GRHL2: variants seen among roughly 807,000 people sequenced by gnomAD.
GRHL2 encodes grainyhead-like protein 2 homolog.
Under a neutral mutation model 83.8 loss-of-function variants are expected in GRHL2, and 21 were observed. That is an observed-to-expected ratio of 0.25 (90% CI 0.18 to 0.36). The LOEUF is 0.36. Among genes scored for constraint, GRHL2 ranks in the 10% least tolerant of loss-of-function variants. GRHL2 has a pLI of 1.00. For synonymous variants in GRHL2, 280 were observed against 278.9 expected (o/e 1.00, Z -0.04); for missense variants, 623 against 781.8 (o/e 0.80, Z 2.42).
rs546911625 is a variant in GRHL2 at position 101,644,294 on chromosome 8, G to A, written c.1612+69G>A. The stretch of plus-strand genomic sequence containing the variant: ...GTGTCTCTCCCAAGAAGAGCTTGCA[G>A]CCCTCTTGCCCAGGCCCCCATGGCT... On this transcript the variant is annotated intron_variant, in intron 13 of 15. Coordinates refer to ENST00000646743, the MANE Select transcript of GRHL2 (RefSeq NM_024915.4). The A allele has an allele frequency of 2.0e-4, 250 of 1,264,684 alleles. 4 individuals are homozygous for A. In the South Asian group the frequency reaches 2.7e-3, roughly 14 times the overall value. 78.3% of individuals were successfully genotyped at this position (1,264,684 alleles called of 1,614,324 possible).
chr8:101,594,108 A>G (rs1042377279), intron 7 of GRHL2, among the ~76,000 whole-genome samples: 2 of 135,956 alleles, frequency 1.5e-5, no homozygotes, highest in Non-Finnish European at 3.1e-5. Flanking sequence ...AGAGAGAGAT[A>G]GTGAAGGGGG....
intron 14 of GRHL2, among the ~76,000 whole-genome samples, chr8:101,656,819 T>G (rs1813797030): frequency 6.6e-6 from 1 of 151,920 alleles, no homozygotes; most frequent in Admixed American, 6.5e-5. Context: ...ATATACTGGG[T>G]GTGTGTTCAT....
chr8:101,517,810 C>T (rs972949372), intron 1 of GRHL2, among the ~76,000 whole-genome samples: 5 of 152,218 alleles, frequency 3.3e-5, no homozygotes, highest in African/African-American at 4.8e-5. Flanking sequence ...CTTTATGCTT[C>T]TTGCAACCCT....
rs745521680 is a variant in GRHL2, at chr8:101,583,753, C to T, written c.1003+6234C>T. On this transcript the variant is annotated intron_variant, in intron 7 of 15. Coordinates refer to ENST00000646743, the MANE Select transcript of GRHL2 (RefSeq NM_024915.4). ...GTGGATAATTCCAAAACCACGTTCT[C>T]GGGAAGGCATATTTTTCTATTTGTT... Among the ~76,000 whole-genome samples the T allele has an allele frequency of 7.2e-5, 11 of 152,238 alleles. 1 individual carries two copies. The highest frequency in any genetic ancestry group is 1.6e-4 in the Non-Finnish European group (11 of 68,010).
At chr8:101,603,586 A>G (rs531373275) in intron 8 of GRHL2, among the ~76,000 whole-genome samples, 1 of 152,230 alleles carries the variant, frequency 6.6e-6, no homozygotes, top group African/African-American at 2.4e-5. Context: ...ATTAGTTAAA[A>G]TGAGGTTTGG....
intron 5 of GRHL2, 152 bp from the exon 6 acceptor site, chr8:101,573,516 C>A: frequency 1.2e-6 from 1 of 863,918 alleles, no homozygotes; most frequent in Non-Finnish European, 1.9e-6. Flanking sequence ...GACCTTTGAT[C>A]TGGTCTCATC....
chr8:101,510,092 A>T (rs34262411), intron 1 of GRHL2, among the ~76,000 whole-genome samples: 2 of 152,078 alleles, frequency 1.3e-5, no homozygotes, highest in Non-Finnish European at 2.9e-5. Flanking sequence ...CCAGGCCCAG[A>T]TGATCTTCCC....
chr8:101,547,339 A>T (rs1462809624), intron 2 of GRHL2, among the ~76,000 whole-genome samples: 1 of 152,198 alleles, frequency 6.6e-6, no homozygotes, highest in African/African-American at 2.4e-5. Context: ...ATGCCTCTTC[A>T]GAGGATGAAT....
At chr8:101,592,680 C>T (rs1279145766) in intron 7 of GRHL2, among the ~76,000 whole-genome samples, 3 of 152,080 alleles carry the variant, frequency 2.0e-5, no homozygotes, top group South Asian at 2.1e-4. Flanking sequence ...CTGCAACATT[C>T]GAGAAGCACC....
At chr8:101,615,483 C>G (rs1393251909) in intron 8 of GRHL2, among the ~76,000 whole-genome samples, 1 of 152,126 alleles carries the variant, frequency 6.6e-6, no homozygotes, top group Admixed American at 6.6e-5. Context: ...TAGTTCTAGG[C>G]AGGCTTTATG....
At chr8:101,624,171 TCACAGTA>T (rs36190962) in intron 9 of GRHL2, among the ~76,000 whole-genome samples, 14,765 of 137,792 alleles carry the variant, frequency 0.11, 1,456 homozygotes, top group African/African-American at 0.29. Flanking sequence ...GTAGGACAGT[TCACAGTA>T]CACAGTACAC....
At chr8:101,551,880 G>A (rs142294236) in intron 2 of GRHL2, among the ~76,000 whole-genome samples, 1 of 150,548 alleles carries the variant, frequency 6.6e-6, no homozygotes, top group East Asian at 2.0e-4. Context: ...CTGTCGCCCA[G>A]GCTAGAGTGC....
chr8:101,579,594 G>A (rs756850095), intron 7 of GRHL2, among the ~76,000 whole-genome samples: 14 of 152,124 alleles, frequency 9.2e-5, no homozygotes, highest in Non-Finnish European at 1.9e-4. Flanking sequence ...TCTGAGCACA[G>A]TCTCTACCCC....
intron 12 of GRHL2, among the ~76,000 whole-genome samples, chr8:101,640,648 T>C (rs374259894): frequency 6.6e-6 from 1 of 152,228 alleles, no homozygotes; most frequent in Non-Finnish European, 1.5e-5. Flanking sequence ...GCCCTGATCC[T>C]CTGTCCCCAG....
the GRHL2 span, among the ~76,000 whole-genome samples, chr8:101,675,917 C>T: frequency 5.9e-5 from 9 of 152,148 alleles, no homozygotes; most frequent in South Asian, 2.1e-4. Flanking sequence ...ATATCTACAA[C>T]CATCTGATCT....
At chr8:101,533,404 G>A (rs951030990) in intron 1 of GRHL2, among the ~76,000 whole-genome samples, 1 of 152,092 alleles carries the variant, frequency 6.6e-6, no homozygotes, top group Admixed American at 6.6e-5. Flanking sequence ...TGGCAATGGA[G>A]CTTTTATTCA....
At chr8:101,495,886 C>T (rs1810091847) in intron 1 of GRHL2, among the ~76,000 whole-genome samples, 1 of 152,132 alleles carries the variant, frequency 6.6e-6, no homozygotes, top group South Asian at 2.1e-4. Context: ...CGGCGGCTCA[C>T]ACCTGTAATC....
At chr8:101,519,565 T>C (rs1485888059) in intron 1 of GRHL2, among the ~76,000 whole-genome samples, 7 of 151,898 alleles carry the variant, frequency 4.6e-5, no homozygotes, top group Non-Finnish European at 8.8e-5. Flanking sequence ...CAGCTTTTTT[T>C]TTTTTTTTTT....
chr8:101,558,120 C>T (rs2130174183), intron 3 of GRHL2, among the ~76,000 whole-genome samples: 1 of 152,286 alleles, frequency 6.6e-6, no homozygotes, highest in African/African-American at 2.4e-5. Flanking sequence ...CCGCCTTGGC[C>T]TCCCAAAGTA....
Sources: allele counts gnomAD v4.1 joint callset (sites outside exome capture counted in the v4.1 genomes callset), GRCh38; gene constraint gnomAD v4.1.1; transcripts MANE v1.5; gene names NCBI Gene and HGNC (gene_info 2026-07-23, HGNC 2026-07-21).